The following BDP1 variants were observed in gnomAD, a reference collection of about 807,000 sequenced individuals.
BDP1 encodes the protein transcription factor TFIIIB component B'' homolog.
In BDP1, 169 loss-of-function variants were observed where a neutral mutation model predicts 266.6. The ratio of observed to expected loss-of-function variants is 0.63; its 90% CI spans 0.56 to 0.72. The LOEUF (loss-of-function observed/expected upper bound fraction) is 0.72. Ranked by LOEUF, BDP1 falls within the 30% of genes least tolerant of loss-of-function variation. The pLI, the probability that BDP1 is intolerant of heterozygous loss-of-function variation, is 0.00. For synonymous variants in BDP1, 1,090 were observed against 1,022.4 expected (o/e 1.07, Z -1.26); for missense variants, 3,015 against 3,053.8 (o/e 0.99, Z 0.30).
rs756052419 is a variant in BDP1, at chr5:71,467,517, G to A, written c.919+30G>A. On this transcript the variant is annotated intron_variant, in intron 6 of 38. Transcript: ENST00000358731. ...CTAATTTTCATTTAAAAATGTGTAAGTTCTCTATTTGAAATGAATTGACTG... is the reference window on the plus strand; with the variant it reads ...CTAATTTTCATTTAAAAATGTGTAAATTCTCTATTTGAAATGAATTGACTG... The A allele has an allele frequency of 4.6e-6, 7 of 1,525,020 alleles. No homozygotes were observed. The East Asian group carries it at 9.0e-5, about 20-fold the overall frequency. The allele number at this position is 1,525,020 out of a possible 1,614,324, so 94.5% of individuals were successfully genotyped here.
rs759174772 is a variant in BDP1 at position 71,461,849 on chromosome 5, AAGTC to A, written c.525_528del (p.Ser175ArgfsTer9). The A allele has an allele frequency of 3.7e-6, 6 of 1,607,038 alleles. No individual in the cohort carries two copies. Among genetic ancestry groups the A allele is most frequent in the Non-Finnish European group, 5.1e-6 (6 of 1,175,624 alleles). ...GGAAAAACAAATATGCTATAAATGA[AAGTC>A]AGAGGCCACCAGATCGTTCAAAAAT... On this transcript the variant is annotated frameshift_variant, in exon 3 of 39. Transcript: ENST00000358731. LOFTEE classifies it high-confidence loss of function.
rs1186901465 is a variant in BDP1, at chr5:71,516,144, G to A, written c.4733G>A (p.Arg1578Lys). Residue 1578 changes from arginine to lysine, a missense_variant, in exon 21 of 39, where the codon AGA (arginine) becomes AAA (lysine). Arg to Lys is a conservative substitution (Grantham distance 26). This residue lies in a region of BDP1 where 2,383 missense variants were observed against 2,404.9 expected (regional missense o/e 0.99). Coordinates refer to ENST00000358731, the MANE Select transcript of BDP1 (RefSeq NM_018429.3). ...TARQVRGRLQ[R>K]PRPNIRKTGQ... ...CGACAAGTAAGGGGCCGACTTCAGAGACCGAGACCAAATATAAGAAAGACA... is the reference window on the plus strand; with the variant it reads ...CGACAAGTAAGGGGCCGACTTCAGAAACCGAGACCAAATATAAGAAAGACA... 2 of 1,613,198 alleles carry A rather than the reference G, an allele frequency of 1.2e-6. No individual in the cohort carries two copies.
intron 20 of BDP1, among the ~76,000 whole-genome samples, chr5:71,515,839 G>T (rs1416931558): frequency 2.6e-5 from 4 of 151,898 alleles, no homozygotes; most frequent in Non-Finnish European, 4.4e-5. Context: ...TGTATATTTA[G>T]CTACTTTAGG....
At chr5:71,473,262 A>ATTTTTTTTTTTTTTTT (rs869174435) in intron 7 of BDP1, among the ~76,000 whole-genome samples, 1 of 59,962 alleles carries the variant, frequency 1.7e-5, no homozygotes, top group Non-Finnish European at 2.9e-5. Context: ...TCTTAATGTA[A>ATTTTTTTTTTTTTTTT]TTTTTTTTTT....
intron 11 of BDP1, among the ~76,000 whole-genome samples, chr5:71,491,804 A>C (rs941850280): frequency 9.2e-5 from 14 of 151,816 alleles, no homozygotes. Flanking sequence ...TGCAACTTCC[A>C]CCTCCCAGGC....
Position 71,467,292 on chromosome 5 carries a change from C to A in BDP1, c.786-62C>A. The A allele has an allele frequency of 3.0e-6, 4 of 1,334,594 alleles. No individual in the cohort carries two copies. In the South Asian group the frequency reaches 5.1e-5, roughly 17 times the overall value. The allele number at this position is 1,334,594 out of a possible 1,614,324, so 82.7% of individuals were successfully genotyped here. ...AACCTCAAAATATAACTATTTACAT[C>A]TCATTTGCTATTTGTTTCCTTGTTT... On this transcript the variant is annotated intron_variant, in intron 5 of 38. Transcript: ENST00000358731.
At chr5:71,480,107 G>A (rs1762852326) in intron 7 of BDP1, among the ~76,000 whole-genome samples, 1 of 151,148 alleles carries the variant, frequency 6.6e-6, no homozygotes, top group Admixed American at 6.6e-5. Flanking sequence ...ACCATGCCTG[G>A]CTAATTTTTT....
rs1406257020 is a variant in BDP1 at position 71,562,362 on chromosome 5, A to G, written c.7585A>G (p.Lys2529Glu). 1 of 1,613,854 alleles carries G rather than the reference A, an allele frequency of 6.2e-7. No individual in the cohort carries two copies. Among genetic ancestry groups the G allele is most frequent in the Non-Finnish European group, 8.5e-7 (1 of 1,179,786 alleles). ...SDEPMQVHSKKRLKPLIPGLR... is the reference protein window; with the variant it reads ...SDEPMQVHSKERLKPLIPGLR... ...TGAACCTATGCAAGTCCATAGTAAG[A>G]AACGCCTAAAACCTCTTATACCTGG... is the stretch of plus-strand genomic sequence containing the variant. Residue 2529 changes from lysine to glutamate, a missense_variant, in exon 38 of 39, where the codon AAA (lysine) becomes GAA (glutamate). By Grantham distance (56) the Lys-to-Glu change is moderately conservative. Coordinates refer to ENST00000358731, the MANE Select transcript of BDP1 (RefSeq NM_018429.3).
chr5:71,516,705 A>G (rs2150491982), intron 21 of BDP1, among the ~76,000 whole-genome samples: 1 of 152,202 alleles, frequency 6.6e-6, no homozygotes, highest in African/African-American at 2.4e-5. Flanking sequence ...TAGTTACATC[A>G]TTTTTGCTGT....
chr5:71,490,871 G>C, intron 10 of BDP1, 113 bp from the exon 11 acceptor site: 1 of 1,080,648 alleles, frequency 9.3e-7, no homozygotes, highest in Non-Finnish European at 1.3e-6. Flanking sequence ...ATAGGGACTT[G>C]AATGTTGCTT....
chr5:71,525,534 G>A (rs1439565391), intron 25 of BDP1, among the ~76,000 whole-genome samples: 85 of 132,174 alleles, frequency 6.4e-4, no homozygotes, highest in Non-Finnish European at 1.2e-3. Flanking sequence ...CTGGCCGGGC[G>A]GGGGGCTGAC....
At position 71,458,813 on chromosome 5, in the gene BDP1, G is replaced by C; in HGVS notation, c.447G>C (p.Gln149His). The change falls in exon 2 of 39, where the codon CAG becomes CAC. Residue 149 changes from glutamine (Q) to histidine (H), a missense_variant. By Grantham distance (24) the Gln-to-His change is conservative (BLOSUM62 0). Transcript: ENST00000358731. ...ACAGATACCGAATATACAAAGCCCAGAAACTGAGGGAAATGTTAAAAGAAG... is the reference window on the plus strand; with the variant it reads ...ACAGATACCGAATATACAAAGCCCACAAACTGAGGGAAATGTTAAAAGAAG... The part of the protein sequence containing the change: ...CSDRYRIYKA[Q>H]KLREMLKEEL... 6.2e-7 allele frequency: 1 copy of C among 1,612,800 alleles called. No individual in the cohort carries two copies. Among genetic ancestry groups the C allele is most frequent in the South Asian group, 1.1e-5 (1 of 90,616 alleles).
chr5:71,462,658 G>A (rs1761651966), intron 3 of BDP1, among the ~76,000 whole-genome samples: 2 of 152,200 alleles, frequency 1.3e-5, no homozygotes, highest in South Asian at 4.1e-4. Context: ...GGAGGCTGAG[G>A]CAGGAGGACT....
At chr5:71,550,557 C>T (rs1320722005) in intron 34 of BDP1, among the ~76,000 whole-genome samples, 1 of 152,130 alleles carries the variant, frequency 6.6e-6, no homozygotes, top group Non-Finnish European at 1.5e-5. Flanking sequence ...CCACCTTGGC[C>T]TCCCAAAGTG....
chr5:71,466,302 G>T lies in BDP1; in HGVS notation c.785+81G>T, dbSNP rs534632305. The T allele has an allele frequency of 3.9e-5, 58 of 1,478,000 alleles. 1 individual carries two copies. In the Admixed American group the frequency reaches 7.8e-4, roughly 20 times the overall value. 91.6% of individuals were successfully genotyped at this position (1,478,000 alleles called of 1,614,324 possible). A position where few individuals can be genotyped will look rare whatever the true frequency, so the allele number is the denominator to read the frequency against. Reference sequence around the variant, plus strand: ...GTCTAGTGAAAGAGGTCCTCTTTCTGTATTGGCCTTTGTCACTTAGACCTT... The same window carrying T: ...GTCTAGTGAAAGAGGTCCTCTTTCTTTATTGGCCTTTGTCACTTAGACCTT... On this transcript the variant is annotated intron_variant, in intron 5 of 38. Coordinates refer to ENST00000358731, the MANE Select transcript of BDP1 (RefSeq NM_018429.3).
intron 11 of BDP1, among the ~76,000 whole-genome samples, chr5:71,493,968 C>T (rs1207529277): frequency 6.6e-6 from 1 of 152,182 alleles, no homozygotes; most frequent in Non-Finnish European, 1.5e-5. Flanking sequence ...CAAATCTTTA[C>T]AACTTTTAGA....
At chr5:71,479,392 C>G (rs1762797826) in intron 7 of BDP1, among the ~76,000 whole-genome samples, 1 of 152,062 alleles carries the variant, frequency 6.6e-6, no homozygotes, top group Non-Finnish European at 1.5e-5. Context: ...ATTTCCCCAT[C>G]TCTTCACTAT....
chr5:71,529,079 G>A (rs778528397), intron 25 of BDP1, among the ~76,000 whole-genome samples: 10 of 152,042 alleles, frequency 6.6e-5, no homozygotes, highest in South Asian at 4.1e-4. Flanking sequence ...TCATATATAT[G>A]TTAGAAAAAA....
chr5:71,506,766 A>ATG (rs1171508051), intron 16 of BDP1, among the ~76,000 whole-genome samples: 1 of 134,442 alleles, frequency 7.4e-6, no homozygotes, highest in Non-Finnish European at 1.6e-5. Context: ...GTTTATATAT[A>ATG]TATATATATA....
Sources: gnomAD v4.1 joint callset for allele counts (sites outside exome capture counted in the v4.1 genomes callset) on GRCh38, gnomAD v4.1.1 for gene constraint, gnomAD v4.1.1 regional missense constraint, MANE v1.5 for transcripts, NCBI Gene and HGNC (gene_info 2026-07-23, HGNC 2026-07-21) for gene names.